FNDC3B: variants seen among roughly 807,000 people sequenced by gnomAD.
FNDC3B encodes fibronectin type III domain containing 3B.
FNDC3B carries 12 observed loss-of-function variants against 151.5 expected under a neutral mutation model. That is an observed-to-expected ratio of 0.08 (90% CI 0.05 to 0.13). The LOEUF is 0.13. Among genes scored for constraint, FNDC3B ranks in the 10% least tolerant of loss-of-function variants. The pLI is 1.00. For synonymous variants in FNDC3B, 528 were observed against 549.0 expected (o/e 0.96, Z 0.54); for missense variants, 1,214 against 1,505.3 (o/e 0.81, Z 3.20).
At chr3:172,110,648 C>A (rs1285708290) in intron 1 of FNDC3B, among the ~76,000 whole-genome samples, 1 of 151,690 alleles carries the variant, frequency 6.6e-6, no homozygotes, top group Non-Finnish European at 1.5e-5. Flanking sequence ...GCTAATGTAG[C>A]AGAGGGGATG....
rs1452787791 is a variant in FNDC3B at position 172,401,343 on chromosome 3, G to A, written c.*3868G>A. ...CTCAGCTCTTGCTGACCAAGGCCTTGGAGGACTGTGAGCCACAATCACATA... is the reference window on the plus strand; with the variant it reads ...CTCAGCTCTTGCTGACCAAGGCCTTAGAGGACTGTGAGCCACAATCACATA... On this transcript the variant is annotated 3_prime_UTR_variant, in exon 26 of 26. Coordinates refer to ENST00000415807, the MANE Select transcript of FNDC3B (RefSeq NM_022763.4). 9 of 152,158 alleles carry A rather than the reference G, an allele frequency of 5.9e-5. No individual in the cohort carries two copies. Among genetic ancestry groups the A allele is most frequent in the South Asian group, 2.1e-4 (1 of 4,830 alleles). 9.4% of individuals were successfully genotyped at this position (152,158 alleles called of 1,614,324 possible).
Position 172,397,183 on chromosome 3 carries a change from C to T in FNDC3B, c.3323C>T (p.Ala1108Val). ...CTGAAGGTGTACAAGGGAGAAGAAG[C>T]CACATTCCAAATCTCAGGCCTCCAG... ...EYKQVYKGEE[A>V]TFQISGLQTN... Residue 1108 changes from alanine to valine, a missense_variant, in exon 26 of 26, where the codon GCC becomes GTC. This residue lies in a region of FNDC3B where 284 missense variants were observed against 392.4 expected (regional missense o/e 0.72). Coordinates refer to ENST00000415807, the MANE Select transcript of FNDC3B (RefSeq NM_022763.4). 1 of 1,610,896 alleles carries T rather than the reference C, an allele frequency of 6.2e-7. No individual in the cohort carries two copies. The highest frequency in any genetic ancestry group is 8.5e-7 in the Non-Finnish European group (1 of 1,177,898).
At chr3:172,098,058 A>G (rs1487522334) in intron 1 of FNDC3B, among the ~76,000 whole-genome samples, 1 of 151,978 alleles carries the variant, frequency 6.6e-6, no homozygotes. Context: ...AAGCCAGAAG[A>G]GTTGCCCTTT....
At position 172,329,011 on chromosome 3, in the gene FNDC3B, G is replaced by A. The variant is rs979095430; in HGVS notation, c.1314G>A (p.Leu438=). 5 of 1,613,146 alleles carry A rather than the reference G, an allele frequency of 3.1e-6. No homozygotes were observed. Among genetic ancestry groups the A allele is most frequent in the African/African-American group, 1.3e-5 (1 of 74,848 alleles). The change falls in exon 12 of 26, where the codon TTG becomes TTA. Residue 438 remains leucine, a synonymous_variant. Coordinates refer to ENST00000415807, the MANE Select transcript of FNDC3B (RefSeq NM_022763.4). ...CFFGSQKHCK[L]TKLCPAMGYT... is the part of the protein sequence containing the mutation. ...TCGGGAGCCAGAAGCACTGCAAGTT[G>A]ACAAAGCTTTGTCCGGCAATGGGGT...
chr3:172,287,198 T>C (rs1043027560), intron 7 of FNDC3B, among the ~76,000 whole-genome samples: 9 of 152,322 alleles, frequency 5.9e-5, no homozygotes, highest in South Asian at 2.1e-4. Flanking sequence ...ATTTAATATA[T>C]TGTACTGCAT....
intron 1 of FNDC3B, among the ~76,000 whole-genome samples, chr3:172,050,733 G>GTGTGTGTGTATA (rs397991660): frequency 0.048 from 6,600 of 137,622 alleles, 161 homozygotes; most frequent in East Asian, 0.14. Context: ...GTGTGTGTGT[G>GTGTGTGTGTATA]TATAGTGTGT....
At chr3:172,188,282 A>G (rs1315969797) in intron 3 of FNDC3B, among the ~76,000 whole-genome samples, 1 of 152,118 alleles carries the variant, frequency 6.6e-6, no homozygotes, top group Non-Finnish European at 1.5e-5. Flanking sequence ...GGCATAAGCC[A>G]CTGTGCCTGG....
chr3:172,374,447 A>C (rs1735028268), intron 23 of FNDC3B, among the ~76,000 whole-genome samples: 1 of 152,140 alleles, frequency 6.6e-6, no homozygotes, highest in Non-Finnish European at 1.5e-5. Context: ...CCCAGGCCGG[A>C]GTACAGTGGC....
At chr3:172,251,052 A>C (rs1313292393) in intron 5 of FNDC3B, among the ~76,000 whole-genome samples, 1 of 152,156 alleles carries the variant, frequency 6.6e-6, no homozygotes, top group Non-Finnish European at 1.5e-5. Context: ...TCCCAAGCTC[A>C]GACAGTCCGC....
intron 3 of FNDC3B, among the ~76,000 whole-genome samples, chr3:172,142,220 C>T (rs531514197): frequency 5.3e-5 from 8 of 152,076 alleles, no homozygotes; most frequent in Non-Finnish European, 8.8e-5. Context: ...ATTGACCCCC[C>T]CTTCATTTTT....
At chr3:172,186,601 T>C in intron 3 of FNDC3B, 2 of 634,456 alleles carry the variant, frequency 3.2e-6, no homozygotes, top group South Asian at 1.8e-5. Flanking sequence ...TACTCTTATT[T>C]TATAAATCCT....
At chr3:172,314,881 C>T (rs1381615837) in intron 11 of FNDC3B, among the ~76,000 whole-genome samples, 1 of 152,164 alleles carries the variant, frequency 6.6e-6, no homozygotes, top group Non-Finnish European at 1.5e-5. Flanking sequence ...AAATCTGATC[C>T]ACCATCTCTC....
intron 1 of FNDC3B, among the ~76,000 whole-genome samples, chr3:172,099,313 T>C (rs371260291): frequency 2.6e-5 from 4 of 152,146 alleles, no homozygotes; most frequent in Non-Finnish European, 5.9e-5. Context: ...TTTGGGTTCT[T>C]TGATGAAAGA....
chr3:172,245,566 CTACATGTGCTATTTATA>C (rs1362418637), intron 4 of FNDC3B, among the ~76,000 whole-genome samples: 2 of 152,074 alleles, frequency 1.3e-5, no homozygotes, highest in Non-Finnish European at 2.9e-5. Flanking sequence ...TGTATTTATA[CTACATGTGCTATTTATA>C]TACATGTGCT....
intron 6 of FNDC3B, 71 bp downstream of exon 6, chr3:172,251,612 T>A: frequency 7.3e-7 from 1 of 1,377,478 alleles, no homozygotes; most frequent in Non-Finnish European, 9.8e-7. Flanking sequence ...TTTCCACATC[T>A]TTTACATGAG....
At chr3:172,342,903 C>A (rs1054045736) in intron 17 of FNDC3B, 108 bp from the exon 18 acceptor site, 1 of 676,104 alleles carries the variant, frequency 1.5e-6, no homozygotes. Flanking sequence ...AGTGTGTAAC[C>A]CCTTTTCGGT....
At chr3:172,113,499 A>T (rs1720083482) in intron 2 of FNDC3B, among the ~76,000 whole-genome samples, 1 of 152,024 alleles carries the variant, frequency 6.6e-6, no homozygotes, top group East Asian at 1.9e-4. Flanking sequence ...AATAATTTAT[A>T]TTATTTTCTC....
intron 16 of FNDC3B, among the ~76,000 whole-genome samples, chr3:172,338,957 T>G (rs1733141417): frequency 1.3e-5 from 2 of 151,870 alleles, no homozygotes; most frequent in Admixed American, 1.3e-4. Context: ...CAGGATAGTC[T>G]CGATCTCCTG....
intron 6 of FNDC3B, among the ~76,000 whole-genome samples, chr3:172,263,092 A>AATATAT (rs35820918): frequency 3.4e-5 from 5 of 145,362 alleles, no homozygotes; most frequent in South Asian, 4.3e-4. Context: ...AATATATATA[A>AATATAT]ATATATATAT....
Sources: gnomAD v4.1 joint callset for allele counts (sites outside exome capture counted in the v4.1 genomes callset) on GRCh38, gnomAD v4.1.1 for gene constraint, gnomAD v4.1.1 regional missense constraint, MANE v1.5 for transcripts, NCBI Gene and HGNC (gene_info 2026-07-23, HGNC 2026-07-21) for gene names.